TMEM160: variants seen among roughly 807,000 people sequenced by gnomAD.
TMEM160 encodes the protein transmembrane protein 160.
A neutral mutation model predicts 13.9 loss-of-function variants in TMEM160; 10 were observed. The ratio of observed to expected loss-of-function variants is 0.72; its 90% CI spans 0.45 to 1.22. The LOEUF is 1.22. Among genes scored for constraint, TMEM160 ranks in the 50% most tolerant of loss-of-function variants. TMEM160 has a pLI of 0.00. For missense variants in TMEM160, 287 were observed against 283.2 expected, an observed-to-expected ratio of 1.01 and a Z score of -0.10; for synonymous variants, 159 against 134.8, an observed-to-expected ratio of 1.18 and a Z score of -1.25.
intron 1 of TMEM160, 97 bp downstream of exon 1, chr19:47,048,310 G>A: frequency 1.8e-6 from 2 of 1,119,510 alleles, no homozygotes; most frequent in Non-Finnish European, 2.4e-6. Context: ...AGCCGAGCCC[G>A]GGCCCCGTTT....
rs1185706283 is a variant in TMEM160, at chr19:47,046,168, T to C, written c.386A>G (p.Gln129Arg). 6.7e-7 allele frequency: 1 copy of C among 1,492,394 alleles called. No individual in the cohort carries two copies. Among genetic ancestry groups the C allele is most frequent in the African/African-American group, 1.4e-5 (1 of 69,200 alleles). The allele number at this position is 1,492,394 out of a possible 1,614,324, so 92.4% of individuals were successfully genotyped here. The change falls in exon 3 of 3, where the codon CAG (glutamine) becomes CGG (arginine). Residue 129 changes from glutamine to arginine, a missense_variant. Transcript: ENST00000253047. ...VGLAALRGPM[Q>R]LTLGGAAVGA... ...CACGGCCGCGCCCCCCAGCGTCAGC[T>C]GCATGGGTCCTCGCAGCGCCGCCAG...
In TMEM160 at chr19:47,046,138, G is replaced by GCGCCCA. The variant is rs1309274030; in HGVS notation, c.410_415dup (p.Val137_Gly138dup). On this transcript the variant is annotated inframe_insertion, in exon 3 of 3. Coordinates refer to ENST00000253047, the MANE Select transcript of TMEM160 (RefSeq NM_017854.2). ...CAGGCTGGCGGCCAGCACGGCGCCC[G>GCGCCCA]CGCCCACGGCCGCGCCCCCCAGCGT... The GCGCCCA allele has an allele frequency of 1.4e-6, 2 of 1,475,210 alleles. No individual in the cohort carries two copies. The highest frequency in any genetic ancestry group is 1.3e-5 in the South Asian group (1 of 77,024). 91.4% of individuals were successfully genotyped at this position (1,475,210 alleles called of 1,614,324 possible). A position where few individuals can be genotyped will look rare whatever the true frequency, so the allele number is the denominator to read the frequency against.
In TMEM160 at chr19:47,046,528, A is replaced by C. The variant is rs2057080892; in HGVS notation, c.301+65T>G. ...TGGGGTAGGAGAGTCTACTCTCACC[A>C]GGGCAGGTGATAGGGGCTCTGCATT... is the stretch of plus-strand genomic sequence containing the variant. On this transcript the variant is annotated intron_variant, in intron 2 of 2. Transcript: ENST00000253047. 4 of 1,342,356 alleles carry C rather than the reference A, an allele frequency of 3.0e-6. No homozygotes were observed. In the Admixed American group the frequency reaches 5.1e-5, roughly 17 times the overall value. The allele number at this position is 1,342,356 out of a possible 1,614,324, so 83.2% of individuals were successfully genotyped here.
Position 47,046,573 on chromosome 19 carries a change from G to A in TMEM160, c.301+20C>T. 2 of 1,600,766 alleles carry A rather than the reference G, an allele frequency of 1.2e-6. No homozygotes were observed. Among genetic ancestry groups the A allele is most frequent in the Non-Finnish European group, 1.7e-6 (2 of 1,169,118 alleles). On this transcript the variant is annotated intron_variant, in intron 2 of 2. Coordinates refer to ENST00000253047, the MANE Select transcript of TMEM160 (RefSeq NM_017854.2). ...TGCATTCCCTGGTTCCGTGGGGCGAGAGGGGGGGTCTGCACTCACCATATG... is the reference window on the plus strand; with the variant it reads ...TGCATTCCCTGGTTCCGTGGGGCGAAAGGGGGGGTCTGCACTCACCATATG...
At chr19:47,046,782 A>AC in intron 1 of TMEM160, 97 bp from the exon 2 acceptor site, 2 of 885,246 alleles carry the variant, frequency 2.3e-6, no homozygotes, top group Non-Finnish European at 3.6e-6. Context: ...CCTTCAGCTC[A>AC]CCCCATCCCA....
intron 1 of TMEM160, chr19:47,047,615 C>A: frequency 1.0e-6 from 1 of 979,326 alleles, no homozygotes; most frequent in Non-Finnish European, 1.2e-6. Flanking sequence ...CTTTGGGAAG[C>A]CAAGGCAGGA....
At chr19:47,046,803 A>T in intron 1 of TMEM160, 118 bp from the exon 2 acceptor site, 1 of 742,212 alleles carries the variant, frequency 1.3e-6, no homozygotes, top group East Asian at 2.6e-5. Context: ...TCCAGCCGCA[A>T]GGCAAGCCCA....
chr19:47,047,797 G>T, intron 1 of TMEM160: 1 of 748,852 alleles, frequency 1.3e-6, no homozygotes, highest in South Asian at 6.0e-5. Context: ...AGTGGGCTAC[G>T]ATTGCGCCAC....
intron 1 of TMEM160, among the ~76,000 whole-genome samples, chr19:47,048,064 T>C (rs2057090381): frequency 6.6e-6 from 1 of 151,928 alleles, no homozygotes; most frequent in Non-Finnish European, 1.5e-5. Flanking sequence ...GCCTCTGCAA[T>C]CGGGATGGAC....
chr19:47,047,450 C>T, intron 1 of TMEM160: 1 of 984,918 alleles, frequency 1.0e-6, no homozygotes, highest in Non-Finnish European at 1.2e-6. Context: ...CGAGTATGGC[C>T]TGGGCCAATC....
intron 2 of TMEM160, 31 bp downstream of exon 2, chr19:47,046,562 C>T (rs754201890): frequency 6.3e-6 from 10 of 1,577,558 alleles, no homozygotes; most frequent in African/African-American, 4.1e-5. Context: ...TTCCCTGGTT[C>T]CGTGGGGCGA....
chr19:47,046,987 G>A (rs1180656136), intron 1 of TMEM160, among the ~76,000 whole-genome samples: 3 of 152,188 alleles, frequency 2.0e-5, no homozygotes, highest in Non-Finnish European at 4.4e-5. Flanking sequence ...CAAGGCAGGC[G>A]GATCATGAGG....
intron 2 of TMEM160, 109 bp downstream of exon 2, chr19:47,046,484 C>T (rs1400795605): frequency 2.9e-6 from 3 of 1,024,650 alleles, no homozygotes; most frequent in African/African-American, 3.1e-5. Flanking sequence ...GGGTTCTATA[C>T]TTACTACTGG....
Position 47,048,543 on chromosome 19 carries a change from C to A in TMEM160, c.72G>T (p.Pro24=). ...CGCCCCCGCTCCGGGGCCGCTGAGG[C>A]GGCAGTAGCGACCTCCGGAAGCGAA... ...ARLRFRRSLL[P]PQRPRSGGAR... is the part of the protein sequence containing the mutation. The change falls in exon 1 of 3, where the codon CCG becomes CCT. Residue 24 remains proline, a synonymous_variant. Transcript: ENST00000253047. 1.3e-6 allele frequency: 2 copies of A among 1,503,092 alleles called. No individual in the cohort carries two copies. The highest frequency in any genetic ancestry group is 1.8e-6 in the Non-Finnish European group (2 of 1,133,580). 93.1% of individuals were successfully genotyped at this position (1,503,092 alleles called of 1,614,324 possible).
chr19:47,047,906 C>T (rs1447443604), intron 1 of TMEM160: 5 of 985,134 alleles, frequency 5.1e-6, no homozygotes, highest in Non-Finnish European at 6.0e-6. Flanking sequence ...TGGACCTCGC[C>T]TCCGTCACAA....
chr19:47,047,810 C>A (rs2057088899), intron 1 of TMEM160: 3 of 827,968 alleles, frequency 3.6e-6, no homozygotes, highest in African/African-American at 3.7e-5. Flanking sequence ...TGCGCCACTG[C>A]GGTCCAGCCT....
intron 2 of TMEM160, 95 bp from the exon 3 acceptor site, chr19:47,046,347 G>A: frequency 3.6e-6 from 5 of 1,399,462 alleles, no homozygotes; most frequent in Non-Finnish European, 4.7e-6. Flanking sequence ...GCAGGGCCGT[G>A]CCAGGGGCTA....
At position 47,048,459 on chromosome 19, in the gene TMEM160, C is replaced by G. The variant is rs1414182644; in HGVS notation, c.156G>C (p.Val52=). ...GPRAGASPPP[V]SELDRADAWL... ...AGGCGTCCGCACGATCCAGCTCGGACACTGGGGGCGGCGAAGCCCCGGCGC... is the reference window on the plus strand; with the variant it reads ...AGGCGTCCGCACGATCCAGCTCGGAGACTGGGGGCGGCGAAGCCCCGGCGC... Residue 52 remains valine (V), a synonymous_variant, in exon 1 of 3, where the codon GTG becomes GTC. Transcript: ENST00000253047. The G allele has an allele frequency of 1.4e-6, 2 of 1,411,756 alleles. No homozygotes were observed. Among genetic ancestry groups the G allele is most frequent in the African/African-American group, 3.0e-5 (2 of 65,644 alleles). 87.5% of individuals were successfully genotyped at this position (1,411,756 alleles called of 1,614,324 possible).
At chr19:47,047,940 C>T (rs1285396267) in intron 1 of TMEM160, 1 of 985,042 alleles carries the variant, frequency 1.0e-6, no homozygotes, top group Admixed American at 6.2e-5. Flanking sequence ...CAGCCTAGAT[C>T]ACCTCCCCCT....
Sources: allele counts gnomAD v4.1 joint callset (sites outside exome capture counted in the v4.1 genomes callset), GRCh38; gene constraint gnomAD v4.1.1; transcripts MANE v1.5; gene names NCBI Gene and HGNC (gene_info 2026-07-23, HGNC 2026-07-21).